The following CCDC126 variants were observed in gnomAD, a reference collection of about 807,000 sequenced individuals.
The protein encoded by CCDC126 is coiled-coil domain containing 126.
CCDC126 carries 5 observed loss-of-function variants against 11.7 expected under a neutral mutation model. That is an observed-to-expected ratio of 0.43 (90% CI 0.22 to 0.90). The LOEUF (loss-of-function observed/expected upper bound fraction) is 0.90, where lower values mean the gene tolerates loss of function less well. CCDC126 is among the 40% of genes least tolerant of loss of function. The pLI, the probability that CCDC126 is intolerant of heterozygous loss-of-function variation, is 0.27. For synonymous variants in CCDC126, 60 were observed against 61.9 expected (o/e 0.97, Z 0.14); for missense variants, 150 against 163.1 (o/e 0.92, Z 0.44).
intron 3 of CCDC126, among the ~76,000 whole-genome samples, chr7:23,620,673 T>C (rs538518070): frequency 0.039 from 6,006 of 152,214 alleles, 162 homozygotes; most frequent in Non-Finnish European, 0.059. Flanking sequence ...TCCTGAATGG[T>C]ATTGCCTAGG....
At position 23,611,483 on chromosome 7, in the gene CCDC126, T is replaced by C. The variant is rs767775785; in HGVS notation, c.168T>C (p.Tyr56=). ...REQILDLSKR[Y]VKALAEENKN... is the part of the protein sequence containing the mutation. ...AAATACTAGACTTAAGCAAAAGATA[T>C]GTTAAAGCTCTAGCAGAGGAAAATA... The change falls in exon 3 of 4, where the codon TAT becomes TAC. Residue 56 remains tyrosine, a synonymous_variant. Transcript: ENST00000307471. 3.1e-6 allele frequency: 5 copies of C among 1,614,072 alleles called. No homozygotes were observed. Among genetic ancestry groups the C allele is most frequent in the Admixed American group, 1.7e-5 (1 of 60,026 alleles).
rs761072225 is a variant in CCDC126, at chr7:23,643,051, C to G, written c.359C>G (p.Thr120Ser). ...TCAGCAGCCAACACCACCAATGGTA[C>G]TAGTGGGAATTTGGTGCCAGTAACC... ...NGSAANTTNG[T>S]SGNLVPVTTN... Residue 120 changes from threonine to serine, a missense_variant, in exon 4 of 4, where the codon ACT becomes AGT. Physicochemically the swap from Thr to Ser is moderately conservative, Grantham distance 58 (BLOSUM62 1). Coordinates refer to ENST00000307471, the MANE Select transcript of CCDC126 (RefSeq NM_138771.4). 3.7e-6 allele frequency: 6 copies of G among 1,613,940 alleles called. No individual in the cohort carries two copies. The highest frequency in any genetic ancestry group is 5.1e-6 in the Non-Finnish European group (6 of 1,179,972).
At chr7:23,639,730 C>T (rs905761696) in intron 3 of CCDC126, among the ~76,000 whole-genome samples, 7 of 152,124 alleles carry the variant, frequency 4.6e-5, no homozygotes, top group South Asian at 2.1e-4. Context: ...CAAATAGTTT[C>T]CTCCTCACTT....
intron 2 of CCDC126, among the ~76,000 whole-genome samples, chr7:23,605,403 G>C (rs1674556185): frequency 5.6e-4 from 1 of 1,786 alleles, no homozygotes; most frequent in African/African-American, 0.011. Flanking sequence ...ATATGCTTGT[G>C]TGTGTGTGTG....
intron 2 of CCDC126, among the ~76,000 whole-genome samples, chr7:23,601,132 C>T (rs1782534526): frequency 6.6e-6 from 1 of 152,030 alleles, no homozygotes; most frequent in South Asian, 2.1e-4. Context: ...GCCTGTAATC[C>T]CAGCGCTTTG....
At chr7:23,632,558 ACT>A (rs531913658) in intron 3 of CCDC126, among the ~76,000 whole-genome samples, 7 of 152,228 alleles carry the variant, frequency 4.6e-5, no homozygotes, top group South Asian at 2.1e-4. Context: ...CTGCGTCTTA[ACT>A]CTTATCAATG....
At chr7:23,612,495 AAAAAAAC>A in intron 3 of CCDC126, among the ~76,000 whole-genome samples, 2 of 149,862 alleles carry the variant, frequency 1.3e-5, no homozygotes, top group African/African-American at 2.5e-5. Context: ...AAAAAAAAAA[AAAAAAAC>A]AAAGAAAAAA....
At chr7:23,627,434 G>A (rs1783034423) in intron 3 of CCDC126, among the ~76,000 whole-genome samples, 1 of 151,976 alleles carries the variant, frequency 6.6e-6, no homozygotes, top group Non-Finnish European at 1.5e-5. Context: ...GAGGTAGGCA[G>A]CAGGCACCCG....
chr7:23,611,170 G>C lies in CCDC126; in HGVS notation c.-145-1G>C. 1 of 618,736 alleles carries C rather than the reference G, an allele frequency of 1.6e-6. No individual in the cohort carries two copies. The allele number at this position is 618,736 out of a possible 1,614,324, so 38.3% of individuals were successfully genotyped here. On this transcript the variant is annotated splice_acceptor_variant, in intron 2 of 3. Coordinates refer to ENST00000307471, the MANE Select transcript of CCDC126 (RefSeq NM_138771.4). LOFTEE classifies it low-confidence loss of function (5UTR_SPLICE). ...TACTGTTTTTCTTCTTAATTTTACA[G>C]AGTTAATAGAGTGGATACAACCTTG...
At chr7:23,631,456 G>A (rs1458213863) in intron 3 of CCDC126, among the ~76,000 whole-genome samples, 3 of 152,082 alleles carry the variant, frequency 2.0e-5, no homozygotes, top group Non-Finnish European at 4.4e-5. Flanking sequence ...TAGATAATTT[G>A]AATAGCCCTA....
chr7:23,611,619 A>G, intron 3 of CCDC126, 66 bp downstream of exon 3: 1 of 1,154,592 alleles, frequency 8.7e-7, no homozygotes, highest in East Asian at 2.4e-5. Flanking sequence ...TTGGAAATTG[A>G]ACTTATTACT....
chr7:23,612,532 G>A (rs1376011616), intron 3 of CCDC126, among the ~76,000 whole-genome samples: 5 of 149,314 alleles, frequency 3.3e-5, no homozygotes, highest in African/African-American at 7.4e-5. Flanking sequence ...AATTAGCCAG[G>A]CATGGTGATA....
At chr7:23,629,989 C>T (rs554285110) in intron 3 of CCDC126, among the ~76,000 whole-genome samples, 4 of 152,152 alleles carry the variant, frequency 2.6e-5, no homozygotes, top group Non-Finnish European at 4.4e-5. Context: ...AAACCCCAAT[C>T]GGGATAAACC....
At chr7:23,624,784 A>G (rs1397263603) in intron 3 of CCDC126, among the ~76,000 whole-genome samples, 2 of 152,334 alleles carry the variant, frequency 1.3e-5, no homozygotes, top group Middle Eastern at 3.4e-3. Context: ...GTTACTGTAA[A>G]TATACTTCCA....
intron 3 of CCDC126, among the ~76,000 whole-genome samples, chr7:23,620,654 A>G (rs895672652): frequency 2.0e-5 from 3 of 151,476 alleles, no homozygotes; most frequent in African/African-American, 7.3e-5. Context: ...GTCCTTGCCC[A>G]TGCCTATGTC....
At chr7:23,622,447 T>G in intron 3 of CCDC126, 1 of 378,888 alleles carries the variant, frequency 2.6e-6, no homozygotes, top group Non-Finnish European at 5.3e-6. Flanking sequence ...CATTTTTTAT[T>G]GCGTCTATTT....
rs567671973 is a variant in CCDC126, at chr7:23,597,495, C to G, written c.-341C>G. 1 of 152,278 alleles carries G rather than the reference C, an allele frequency of 6.6e-6. No individual in the cohort carries two copies. The highest frequency in any genetic ancestry group is 2.1e-4 in the South Asian group (1 of 4,834). 9.4% of individuals were successfully genotyped at this position (152,278 alleles called of 1,614,324 possible). ...GCGTTTCTCCAGCTCGATCTGGAGG[C>G]TGCTTCGCCAGTGTGGGACGCAGCT... On this transcript the variant is annotated 5_prime_UTR_variant, in exon 1 of 4. Coordinates refer to ENST00000307471, the MANE Select transcript of CCDC126 (RefSeq NM_138771.4).
chr7:23,611,434 A>G lies in CCDC126; in HGVS notation c.119A>G (p.Gln40Arg). Residue 40 changes from glutamine to arginine, a missense_variant, in exon 3 of 4, where the codon CAA becomes CGA. By Grantham distance (43) the Gln-to-Arg change is conservative. Transcript: ENST00000307471. ...LHYTFQQPRH[Q>R]SSVKLREQIL... is the part of the protein sequence containing the mutation. ...TATACTTTTCAACAACCAAGACATC[A>G]AAGCAGTGTCAAGTTACGTGAGCAA... is the stretch of plus-strand genomic sequence containing the variant. 6.2e-7 allele frequency: 1 copy of G among 1,613,976 alleles called. No individual in the cohort carries two copies. Among genetic ancestry groups the G allele is most frequent in the Non-Finnish European group, 8.5e-7 (1 of 1,179,892 alleles).
At chr7:23,619,106 A>G (rs1782844494) in intron 3 of CCDC126, among the ~76,000 whole-genome samples, 1 of 152,122 alleles carries the variant, frequency 6.6e-6, no homozygotes, top group Non-Finnish European at 1.5e-5. Context: ...CAGGCCCTCA[A>G]CTGCTCTATC....
Sources: gnomAD v4.1 joint callset for allele counts (sites outside exome capture counted in the v4.1 genomes callset) on GRCh38, gnomAD v4.1.1 for gene constraint, MANE v1.5 for transcripts, NCBI Gene and HGNC (gene_info 2026-07-23, HGNC 2026-07-21) for gene names.